Variants in CDC42BPA observed in about 807,000 individuals in gnomAD.
The protein encoded by CDC42BPA is serine/threonine-protein kinase MRCK alpha.
CDC42BPA carries 80 observed loss-of-function variants against 223.5 expected under a neutral mutation model. The observed-to-expected ratio is 0.36, with a 90% CI of 0.30 to 0.43. The LOEUF (loss-of-function observed/expected upper bound fraction) is 0.43, where lower values mean the gene tolerates loss of function less well. CDC42BPA is among the 20% of genes least tolerant of loss of function. The pLI, the probability that CDC42BPA is intolerant of heterozygous loss-of-function variation, is 1.00. For missense variants in CDC42BPA, 1,743 were observed against 2,099.9 expected (o/e 0.83, Z 3.32); for synonymous variants, 694 against 718.6 (o/e 0.97, Z 0.55).
chr1:227,200,217 G>A (rs4339828), intron 3 of CDC42BPA, among the ~76,000 whole-genome samples: 103,813 of 152,018 alleles, frequency 0.68, 35,681 homozygotes, highest in South Asian at 0.74. Flanking sequence ...GATTGCTTGA[G>A]CACAGGAGTT....
In CDC42BPA at chr1:227,145,601, C is replaced by T. The variant is rs778854433; in HGVS notation, c.1031G>A (p.Ser344Asn). 1.2e-6 allele frequency: 2 copies of T among 1,613,802 alleles called. No individual in the cohort carries two copies. The highest frequency in any genetic ancestry group is 1.1e-5 in the South Asian group (1 of 91,072). The change falls in exon 8 of 37, where the codon AGT (serine) becomes AAT (asparagine). Residue 344 changes from serine (S) to asparagine (N), a missense_variant. Physicochemically the swap from Ser to Asn is conservative, Grantham distance 46. Coordinates refer to ENST00000366766, the MANE Select transcript of CDC42BPA (RefSeq NM_001394014.1). ...CCGAATATTATCCCAATCAATTCCA[C>T]TGAAAAATGGGTGTTTCTTAAAGTC... ...IEDFKKHPFF[S>N]GIDWDNIRNC...
Position 227,068,770 on chromosome 1 carries a change from C to T in CDC42BPA, c.2904+1007G>A, listed in dbSNP as rs145167593. ...AAGCAATTTAATAAGAATAATAAATCAAAAACTTTGTAAAACAATTGAAAG... is the reference window on the plus strand; with the variant it reads ...AAGCAATTTAATAAGAATAATAAATTAAAAACTTTGTAAAACAATTGAAAG... On this transcript the variant is annotated intron_variant, in intron 21 of 36. Transcript: ENST00000366766. The T allele has an allele frequency of 1.4e-3, 720 of 515,122 alleles. 11 individuals carry two copies. In the African/African-American group the frequency reaches 0.015, roughly 11 times the overall value. 31.9% of individuals were successfully genotyped at this position (515,122 alleles called of 1,614,324 possible). A position where few individuals can be genotyped will look rare whatever the true frequency, so the allele number is the denominator to read the frequency against.
At chr1:227,048,348 G>A (rs894740331) in intron 22 of CDC42BPA, among the ~76,000 whole-genome samples, 2 of 151,820 alleles carry the variant, frequency 1.3e-5, no homozygotes, top group African/African-American at 2.4e-5. Flanking sequence ...ACATTCATCT[G>A]AATTTGCCAT....
chr1:227,163,731 T>TAA (rs11314121), intron 5 of CDC42BPA, among the ~76,000 whole-genome samples: 2 of 140,446 alleles, frequency 1.4e-5, no homozygotes, highest in African/African-American at 5.1e-5. Flanking sequence ...TTCTTATTTG[T>TAA]AAAAAAAAAA....
Position 227,029,245 on chromosome 1 carries a change from T to G in CDC42BPA, c.3844A>C (p.Ile1282Leu). ...FVVHVTKDEI[I>L]RVGDNKKIHQ... Reference sequence around the variant, plus strand: ...ATCTTCTTATTGTCACCAACTCTAATAATTTCTAAACACAGAAAGAATAAT... The same window carrying G: ...ATCTTCTTATTGTCACCAACTCTAAGAATTTCTAAACACAGAAAGAATAAT... The change falls in exon 30 of 37, where the codon ATT (isoleucine) becomes CTT (leucine). Residue 1282 changes from isoleucine (I) to leucine (L), a missense_variant. Physicochemically the swap from Ile to Leu is conservative, Grantham distance 5. Transcript: ENST00000366766. The G allele has an allele frequency of 6.4e-7, 1 of 1,551,288 alleles. No homozygotes were observed. Among genetic ancestry groups the G allele is most frequent in the Non-Finnish European group, 8.7e-7 (1 of 1,144,348 alleles).
chr1:227,238,334 CCT>C (rs1558840296), intron 2 of CDC42BPA, among the ~76,000 whole-genome samples: 1 of 149,380 alleles, frequency 6.7e-6, no homozygotes, highest in Non-Finnish European at 1.5e-5. Flanking sequence ...CTGGCGAGAC[CCT>C]GTCTCATTAA....
chr1:227,315,242 AAATG>A (rs72213666), intron 1 of CDC42BPA, among the ~76,000 whole-genome samples: 46,434 of 151,580 alleles, frequency 0.31, 7,241 homozygotes, highest in East Asian at 0.36. Context: ...AAATATACAT[AAATG>A]AGGTGTTCTT....
chr1:227,018,063 T>TATTATTTATC (rs1558293252), intron 32 of CDC42BPA, among the ~76,000 whole-genome samples: 1 of 84,576 alleles, frequency 1.2e-5, no homozygotes, highest in South Asian at 3.9e-4. Context: ...TATTATTTAT[T>TATTATTTATC]TGAGGCAGGG....
At chr1:227,181,753 T>C (rs146918001) in intron 5 of CDC42BPA, among the ~76,000 whole-genome samples, 1 of 152,308 alleles carries the variant, frequency 6.6e-6, no homozygotes, top group Non-Finnish European at 1.5e-5. Flanking sequence ...GATAAATGAA[T>C]GAATTTACAA....
At chr1:227,018,276 G>T (rs1666706302) in intron 32 of CDC42BPA, among the ~76,000 whole-genome samples, 2 of 152,152 alleles carry the variant, frequency 1.3e-5, no homozygotes, top group Non-Finnish European at 2.9e-5. Context: ...TGAGAATTAT[G>T]AGGGTAAAGC....
At chr1:227,265,492 T>C (rs908718736) in intron 1 of CDC42BPA, among the ~76,000 whole-genome samples, 1 of 151,972 alleles carries the variant, frequency 6.6e-6, no homozygotes, top group African/African-American at 2.4e-5. Context: ...CGGGCGGAAT[T>C]GTGGCATGCA....
intron 5 of CDC42BPA, among the ~76,000 whole-genome samples, chr1:227,184,718 A>G (rs1187308497): frequency 6.6e-6 from 1 of 152,216 alleles, no homozygotes; most frequent in African/African-American, 2.4e-5. Flanking sequence ...TAGGATTTTG[A>G]GAGACTGCAA....
chr1:227,294,452 A>C (rs902968337), intron 1 of CDC42BPA, among the ~76,000 whole-genome samples: 2 of 152,152 alleles, frequency 1.3e-5, no homozygotes, highest in Non-Finnish European at 2.9e-5. Context: ...AATTCACTAC[A>C]TGTTGGGCAC....
intron 21 of CDC42BPA, 143 bp from the exon 22 acceptor site, chr1:227,052,128 T>C (rs1173780703): frequency 2.4e-6 from 1 of 415,254 alleles, no homozygotes; most frequent in Non-Finnish European, 4.8e-6. Flanking sequence ...ATATTCACGT[T>C]AGGGATACAT....
chr1:227,065,522 A>G (rs1676861813), intron 21 of CDC42BPA, among the ~76,000 whole-genome samples: 1 of 152,234 alleles, frequency 6.6e-6, no homozygotes, highest in Non-Finnish European at 1.5e-5. Flanking sequence ...TGGCCAAACA[A>G]TGTGACTTAA....
At chr1:227,268,609 A>AGT (rs1209318501) in intron 1 of CDC42BPA, among the ~76,000 whole-genome samples, 5 of 132,954 alleles carry the variant, frequency 3.8e-5, no homozygotes, top group Non-Finnish European at 6.4e-5. Context: ...GTGTGTGTAT[A>AGT]GTGTGTGTAT....
At chr1:227,274,901 C>T (rs886875622) in intron 1 of CDC42BPA, among the ~76,000 whole-genome samples, 3 of 152,098 alleles carry the variant, frequency 2.0e-5, no homozygotes, top group African/African-American at 7.2e-5. Context: ...CCTAACTGAC[C>T]TAGCCTCAAT....
chr1:227,052,734 T>C (rs1175303553), intron 21 of CDC42BPA, among the ~76,000 whole-genome samples: 1 of 152,194 alleles, frequency 6.6e-6, no homozygotes, highest in Non-Finnish European at 1.5e-5. Context: ...AAACAATGTT[T>C]AGATCAGAAA....
chr1:227,023,219 T>C, intron 32 of CDC42BPA, 44 bp downstream of exon 32: 1 of 948,002 alleles, frequency 1.1e-6, no homozygotes, highest in Non-Finnish European at 1.6e-6. Context: ...TTAGAAATAA[T>C]ATTTCCAATG....
Sources: allele counts gnomAD v4.1 joint callset (sites outside exome capture counted in the v4.1 genomes callset), GRCh38; gene constraint gnomAD v4.1.1; transcripts MANE v1.5; gene names NCBI Gene and HGNC (gene_info 2026-07-23, HGNC 2026-07-21).